GALNT13: variants seen among roughly 807,000 people sequenced by gnomAD.
GALNT13 encodes the protein UDP-GalNAc:polypeptide N-acetylgalactosaminyltransferase 13.
In GALNT13, 28 loss-of-function variants were observed where a neutral mutation model predicts 64.2. The ratio of observed to expected loss-of-function variants is 0.44; its 90% confidence interval spans 0.32 to 0.60. The LOEUF (loss-of-function observed/expected upper bound fraction) is 0.60. Ranked by LOEUF, GALNT13 falls within the 20% of genes least tolerant of loss-of-function variation. The probability of loss-of-function intolerance (pLI) is 0.05; values close to 1 mark genes in which losing one functional copy is unlikely to be tolerated. For synonymous variants in GALNT13, 214 were observed against 224.6 expected (o/e 0.95, Z 0.42); for missense variants, 577 against 669.8 (o/e 0.86, Z 1.53).
the GALNT13 span, among the ~76,000 whole-genome samples, chr2:153,332,233 GT>G: frequency 6.6e-6 from 1 of 152,164 alleles, no homozygotes; most frequent in East Asian, 1.9e-4. Flanking sequence ...GGGTTAGCTT[GT>G]TCTTGTTTTT....
At chr2:153,796,263 T>A in the GALNT13 span, among the ~76,000 whole-genome samples, 1 of 152,198 alleles carries the variant, frequency 6.6e-6, no homozygotes, top group East Asian at 1.9e-4. Flanking sequence ...GAATGTGGTG[T>A]CAATTATCGC....
the GALNT13 span, among the ~76,000 whole-genome samples, chr2:153,517,370 C>T: frequency 3.9e-5 from 6 of 152,020 alleles, no homozygotes; most frequent in South Asian, 2.1e-4. Context: ...TTTTCTTACT[C>T]GATAAAAGGA....
the GALNT13 span, among the ~76,000 whole-genome samples, chr2:153,457,371 A>G: frequency 1.3e-5 from 2 of 152,382 alleles, no homozygotes; most frequent in Middle Eastern, 3.4e-3. Flanking sequence ...TAATAAAAGT[A>G]TTTAACTAGA....
chr2:153,404,092 T>G, the GALNT13 span, among the ~76,000 whole-genome samples: 2 of 152,160 alleles, frequency 1.3e-5, no homozygotes, highest in African/African-American at 4.8e-5. Context: ...GTAGGCTCAT[T>G]GGTGTGTGGC....
At chr2:153,390,013 T>C in the GALNT13 span, among the ~76,000 whole-genome samples, 1 of 152,144 alleles carries the variant, frequency 6.6e-6, no homozygotes, top group Non-Finnish European at 1.5e-5. Context: ...CATGCACACG[T>C]ATGTTTATTG....
intron 4 of GALNT13, among the ~76,000 whole-genome samples, chr2:154,216,072 A>G (rs982391821): frequency 1.3e-5 from 2 of 152,144 alleles, no homozygotes; most frequent in South Asian, 4.1e-4. Context: ...CTTACATTAC[A>G]GTGAATGTAG....
At chr2:153,278,310 G>A in the GALNT13 span, among the ~76,000 whole-genome samples, 2 of 152,072 alleles carry the variant, frequency 1.3e-5, no homozygotes, top group Admixed American at 1.3e-4. Flanking sequence ...TAGGTTGTCT[G>A]TTTACTCTGC....
At chr2:154,176,108 C>T (rs1685631909) in intron 4 of GALNT13, among the ~76,000 whole-genome samples, 2 of 151,936 alleles carry the variant, frequency 1.3e-5, no homozygotes, top group African/African-American at 4.8e-5. Flanking sequence ...ATCAAATATA[C>T]ACACAGACAC....
intron 3 of GALNT13, among the ~76,000 whole-genome samples, chr2:154,067,452 A>G (rs1385823981): frequency 6.6e-6 from 1 of 152,078 alleles, no homozygotes; most frequent in Admixed American, 6.6e-5. Flanking sequence ...ATGACATTCC[A>G]TGCAAAGTAA....
the GALNT13 span, among the ~76,000 whole-genome samples, chr2:153,226,632 C>T: frequency 2.0e-5 from 3 of 152,192 alleles, no homozygotes; most frequent in South Asian, 4.2e-4. Context: ...AATACCTTAC[C>T]AGTACTTTTC....
chr2:153,092,772 C>T, the GALNT13 span, among the ~76,000 whole-genome samples: 2 of 152,238 alleles, frequency 1.3e-5, no homozygotes, highest in East Asian at 3.9e-4. Flanking sequence ...ATCATATCAT[C>T]TGCAAAACAA....
chr2:154,227,576 C>G (rs545346697), intron 4 of GALNT13, among the ~76,000 whole-genome samples: 2 of 147,032 alleles, frequency 1.4e-5, no homozygotes, highest in East Asian at 4.1e-4. Context: ...TGAGAACATG[C>G]GGTGTTTGGT....
At chr2:153,510,569 G>A in the GALNT13 span, among the ~76,000 whole-genome samples, 1 of 152,262 alleles carries the variant, frequency 6.6e-6, no homozygotes, top group African/African-American at 2.4e-5. Flanking sequence ...GGAATTATCA[G>A]CCTGGCGGCA....
At chr2:154,103,723 G>A (rs1702464737) in intron 3 of GALNT13, among the ~76,000 whole-genome samples, 1 of 152,140 alleles carries the variant, frequency 6.6e-6, no homozygotes, top group Admixed American at 6.6e-5. Context: ...GTTTCTAGGA[G>A]CTTTCAGAGA....
At chr2:154,179,595 T>A (rs1239396643) in intron 4 of GALNT13, among the ~76,000 whole-genome samples, 1 of 152,120 alleles carries the variant, frequency 6.6e-6, no homozygotes, top group African/African-American at 2.4e-5. Flanking sequence ...TATCTTTGAG[T>A]ATTAAAGAAC....
chr2:153,315,895 C>A, the GALNT13 span, among the ~76,000 whole-genome samples: 1 of 151,894 alleles, frequency 6.6e-6, no homozygotes, highest in Non-Finnish European at 1.5e-5. Context: ...ATATTTGCAC[C>A]ATTTATATCT....
intron 4 of GALNT13, among the ~76,000 whole-genome samples, chr2:154,217,281 G>T (rs552536882): frequency 6.6e-6 from 1 of 152,050 alleles, no homozygotes; most frequent in East Asian, 1.9e-4. Context: ...TCATTATTTT[G>T]TATATAATTC....
At chr2:153,239,261 TAAG>T in the GALNT13 span, among the ~76,000 whole-genome samples, 2 of 152,068 alleles carry the variant, frequency 1.3e-5, no homozygotes, top group African/African-American at 4.8e-5. Context: ...TTTTCAAACA[TAAG>T]AACCCATCAT....
At chr2:154,372,274 A>G (rs1697738117) in intron 9 of GALNT13, among the ~76,000 whole-genome samples, 1 of 152,084 alleles carries the variant, frequency 6.6e-6, no homozygotes, top group African/African-American at 2.4e-5. Flanking sequence ...AGTTCAAGAG[A>G]AGAATAGAAT....
Sources: gnomAD v4.1 joint callset for allele counts (sites outside exome capture counted in the v4.1 genomes callset) on GRCh38, gnomAD v4.1.1 for gene constraint, MANE v1.5 for transcripts, NCBI Gene and HGNC (gene_info 2026-07-23, HGNC 2026-07-21) for gene names.